Variants in HTR7 observed in about 807,000 individuals in gnomAD.
HTR7 encodes the protein 5-HT-7.
Under a neutral mutation model 34.0 loss-of-function variants are expected in HTR7, and 16 were observed. The ratio of observed to expected loss-of-function variants is 0.47; its 90% CI spans 0.32 to 0.71. HTR7 has a LOEUF of 0.71. HTR7 is among the 30% of genes least tolerant of loss of function. The probability of loss-of-function intolerance (pLI) is 0.04; values close to 1 mark genes in which losing one functional copy is unlikely to be tolerated. For missense variants in HTR7, 504 were observed against 625.5 expected, an observed-to-expected ratio of 0.81 and a Z score of 2.07; for synonymous variants, 265 against 260.2, an observed-to-expected ratio of 1.02 and a Z score of -0.18.
At position 90,749,870 on chromosome 10, in the gene HTR7, G is replaced by A. The variant is rs967498155; in HGVS notation, c.540-276C>T. On this transcript the variant is annotated intron_variant, in intron 1 of 3. Coordinates refer to ENST00000336152, the MANE Select transcript of HTR7 (RefSeq NM_019859.4). The surrounding 1 kb of genome is among the most constrained non-coding windows in gnomAD (Gnocchi z 4.2). ...TGCCTTATAGTTTTTCACAATCCAC[G>A]AAGTCAACAAAGTTTAAAAAGCTCT... is the stretch of plus-strand genomic sequence containing the variant. Among the ~76,000 whole-genome samples the A allele has an allele frequency of 9.2e-5, 14 of 152,100 alleles. No homozygotes were observed. Among genetic ancestry groups the A allele is most frequent in the Non-Finnish European group, 1.6e-4 (11 of 68,028 alleles).
chr10:90,803,806 C>A (rs920834315), intron 1 of HTR7, among the ~76,000 whole-genome samples: 1 of 152,140 alleles, frequency 6.6e-6, no homozygotes, highest in African/African-American at 2.4e-5. Context: ...TTGGCTAAGC[C>A]ATAATGGTAC....
rs193180809 is a variant in HTR7, at chr10:90,742,547, A to G, written c.1394-19T>C. 3.0e-5 allele frequency: 46 copies of G among 1,525,528 alleles called. No individual in the cohort carries two copies. The African/African-American group carries it at 3.6e-4, about 12-fold the overall frequency. The allele number at this position is 1,525,528 out of a possible 1,614,324, so 94.5% of individuals were successfully genotyped here. ...ATTTTGTCTAAAAAAAAGAGAGAGA[A>G]AAATAGAAAATAATTTAGTAGAACT... On this transcript the variant is annotated intron_variant, in intron 3 of 3. Coordinates refer to ENST00000336152, the MANE Select transcript of HTR7 (RefSeq NM_019859.4).
intron 1 of HTR7, among the ~76,000 whole-genome samples, chr10:90,847,636 C>T (rs1388090498): frequency 2.0e-5 from 3 of 152,142 alleles, no homozygotes; most frequent in Non-Finnish European, 4.4e-5. Context: ...TAGTACCTGG[C>T]GAGGAAGCAA....
intron 1 of HTR7, among the ~76,000 whole-genome samples, chr10:90,823,535 C>T (rs375894879): frequency 4.2e-4 from 64 of 152,254 alleles, no homozygotes; most frequent in African/African-American, 1.5e-3. Context: ...AAGGGACTTG[C>T]CTTGTTTCAC....
chr10:90,750,963 G>A lies in HTR7; in HGVS notation c.540-1369C>T, dbSNP rs1564669150. 3.3e-5 allele frequency among the ~76,000 whole-genome samples: 5 copies of A among 152,250 alleles called. No individual in the cohort carries two copies. In the South Asian group the frequency reaches 1.0e-3, roughly 32 times the overall value. On this transcript the variant is annotated intron_variant, in intron 1 of 3. Coordinates refer to ENST00000336152, the MANE Select transcript of HTR7 (RefSeq NM_019859.4). Reference sequence around the variant, plus strand: ...GGATAGGACAGTGAGTAGAAGAGACGAAAATCCTGCGTGCAGGCAAATGGG... The same window carrying A: ...GGATAGGACAGTGAGTAGAAGAGACAAAAATCCTGCGTGCAGGCAAATGGG...
intron 1 of HTR7, among the ~76,000 whole-genome samples, chr10:90,815,797 G>A (rs569980768): frequency 1.3e-5 from 2 of 152,308 alleles, no homozygotes; most frequent in South Asian, 4.1e-4. Context: ...AGAGTGGAGA[G>A]TAAAAGCTAG....
chr10:90,764,535 T>G (rs1242821088), intron 1 of HTR7, among the ~76,000 whole-genome samples: 1 of 152,208 alleles, frequency 6.6e-6, no homozygotes, highest in Non-Finnish European at 1.5e-5. Context: ...TCTTAGTTTT[T>G]GGCAGAGTTT....
Position 90,749,815 on chromosome 10 carries a change from T to G in HTR7, c.540-221A>C, listed in dbSNP as rs1170033830. On this transcript the variant is annotated intron_variant, in intron 1 of 3. Coordinates refer to ENST00000336152, the MANE Select transcript of HTR7 (RefSeq NM_019859.4). This position sits in a 1 kb window ranked among gnomAD's most constrained non-coding sequence, Gnocchi z 4.2. ...GCCAGATTGTAGCCTGAGAGCCCTC[T>G]GACTCTAAAGTCAGTCCATGCTTTG... Among the ~76,000 whole-genome samples, 1 of 152,212 alleles carries G rather than the reference T, an allele frequency of 6.6e-6. No homozygotes were observed. Among genetic ancestry groups the G allele is most frequent in the African/African-American group, 2.4e-5 (1 of 41,450 alleles).
chr10:90,831,272 T>C (rs1006972496), intron 1 of HTR7, among the ~76,000 whole-genome samples: 2 of 152,182 alleles, frequency 1.3e-5, no homozygotes, highest in African/African-American at 2.4e-5. Flanking sequence ...CCGGAGTTTG[T>C]TCCTTCTGAT....
chr10:90,756,338 G>A (rs544094277), intron 1 of HTR7, among the ~76,000 whole-genome samples: 32 of 152,246 alleles, frequency 2.1e-4, no homozygotes, highest in South Asian at 2.1e-4. Context: ...GCAGTGTTCC[G>A]GATGTATGTA....
intron 1 of HTR7, among the ~76,000 whole-genome samples, chr10:90,830,763 G>A (rs1261074611): frequency 6.7e-6 from 1 of 148,940 alleles, no homozygotes; most frequent in Non-Finnish European, 1.5e-5. Flanking sequence ...ACTCCAGCCT[G>A]GGTGACAAAG....
chr10:90,792,595 C>T (rs1008532912), intron 1 of HTR7, among the ~76,000 whole-genome samples: 2 of 151,930 alleles, frequency 1.3e-5, no homozygotes, highest in African/African-American at 2.4e-5. Flanking sequence ...GCTTGACTTA[C>T]CATTTTTCAA....
At chr10:90,812,966 C>T (rs554116846) in intron 1 of HTR7, among the ~76,000 whole-genome samples, 26 of 152,264 alleles carry the variant, frequency 1.7e-4, no homozygotes, top group African/African-American at 5.3e-4. Flanking sequence ...GTGAAAATGG[C>T]CTGTTCCTGC....
chr10:90,779,960 C>T (rs1025519542), intron 1 of HTR7, among the ~76,000 whole-genome samples: 1 of 152,224 alleles, frequency 6.6e-6, no homozygotes, highest in Non-Finnish European at 1.5e-5. Context: ...AGTCATCCTT[C>T]ACCCTCCAGC....
chr10:90,793,536 C>CAAAA (rs34846867), intron 1 of HTR7, among the ~76,000 whole-genome samples: 3 of 132,790 alleles, frequency 2.3e-5, no homozygotes, highest in Non-Finnish European at 3.3e-5. Context: ...TAAGAAAGCT[C>CAAAA]AAAAAAAAAA....
At chr10:90,784,569 AC>A (rs1845353914) in intron 1 of HTR7, among the ~76,000 whole-genome samples, 1 of 152,202 alleles carries the variant, frequency 6.6e-6, no homozygotes, top group Non-Finnish European at 1.5e-5. Context: ...TTTTTTAAAA[AC>A]ATTCACCCAA....
intron 1 of HTR7, among the ~76,000 whole-genome samples, chr10:90,822,548 T>C (rs925040030): frequency 1.3e-5 from 2 of 152,232 alleles, no homozygotes; most frequent in African/African-American, 4.8e-5. Context: ...GCATAAAAGT[T>C]TGGAAAATTT....
intron 1 of HTR7, among the ~76,000 whole-genome samples, chr10:90,792,414 G>A (rs1208215360): frequency 6.6e-6 from 1 of 151,792 alleles, no homozygotes; most frequent in East Asian, 1.9e-4. Context: ...ATACCAGCAG[G>A]AATTAATCAT....
chr10:90,775,503 G>C (rs1484975203), intron 1 of HTR7, among the ~76,000 whole-genome samples: 6 of 152,164 alleles, frequency 3.9e-5, no homozygotes, highest in African/African-American at 1.4e-4. Context: ...GTGCCAGTGT[G>C]GCCAGCATCA....
Sources: gnomAD v4.1 joint callset for allele counts (sites outside exome capture counted in the v4.1 genomes callset) on GRCh38, gnomAD v4.1.1 for gene constraint, Gnocchi (gnomAD v3.1) non-coding constraint, MANE v1.5 for transcripts, NCBI Gene and HGNC (gene_info 2026-07-23, HGNC 2026-07-21) for gene names.